MAML2: variants seen among roughly 807,000 people sequenced by gnomAD.
The protein encoded by MAML2 is mastermind-like protein 2.
In MAML2, 22 loss-of-function variants were observed where a neutral mutation model predicts 96.1. That is an observed-to-expected ratio of 0.23 (90% confidence interval 0.16 to 0.33). The LOEUF (loss-of-function observed/expected upper bound fraction) is 0.33, where lower values mean the gene tolerates loss of function less well. Ranked by LOEUF, MAML2 falls within the 10% of genes least tolerant of loss-of-function variation. MAML2 has a pLI of 1.00. For missense variants in MAML2, 1,367 were observed against 1,392.4 expected (o/e 0.98, Z 0.29); for synonymous variants, 561 against 521.3 (o/e 1.08, Z -1.04).
At chr11:96,134,979 G>A (rs1860605052) in intron 1 of MAML2, among the ~76,000 whole-genome samples, 1 of 152,226 alleles carries the variant, frequency 6.6e-6, no homozygotes, top group Admixed American at 6.5e-5. Context: ...CACATATTGA[G>A]CATTTACCCA....
At chr11:96,221,445 T>A (rs987880699) in intron 1 of MAML2, among the ~76,000 whole-genome samples, 4 of 152,158 alleles carry the variant, frequency 2.6e-5, no homozygotes, top group African/African-American at 9.7e-5. Context: ...GTATCCCCTG[T>A]CATTTTGGGA....
chr11:96,231,295 A>G lies in MAML2; in HGVS notation c.513+110088T>C, dbSNP rs565973648. 6.9e-4 allele frequency among the ~76,000 whole-genome samples: 105 copies of G among 151,806 alleles called. 1 individual carries two copies. Among genetic ancestry groups the G allele is most frequent in the South Asian group, 1.2e-3 (6 of 4,816 alleles). Reference sequence around the variant, plus strand: ...TGTCTTTTAAATGTAAAGTCTCTACAGAAAGGAAATGCGTTGTATTGATTT... The same window carrying G: ...TGTCTTTTAAATGTAAAGTCTCTACGGAAAGGAAATGCGTTGTATTGATTT... On this transcript the variant is annotated intron_variant, in intron 1 of 4. Coordinates refer to ENST00000524717, the MANE Select transcript of MAML2 (RefSeq NM_032427.4).
At chr11:96,107,080 TGC>T (rs1860035794) in intron 1 of MAML2, among the ~76,000 whole-genome samples, 1 of 149,536 alleles carries the variant, frequency 6.7e-6, no homozygotes, top group Non-Finnish European at 1.5e-5. Flanking sequence ...CTATTATTTG[TGC>T]CCCTGAAAGC....
intron 2 of MAML2, among the ~76,000 whole-genome samples, chr11:95,997,766 C>A (rs1166249783): frequency 3.3e-5 from 5 of 152,134 alleles, no homozygotes; most frequent in African/African-American, 2.4e-5. Context: ...CACTCTAAGG[C>A]CCACTGGTGA....
rs750224740 is a variant in MAML2 at position 96,341,549 on chromosome 11, G to A, written c.347C>T (p.Ser116Phe). The A allele has an allele frequency of 7.4e-5, 115 of 1,551,182 alleles. No homozygotes were observed. Among genetic ancestry groups the A allele is most frequent in the Non-Finnish European group, 9.7e-5 (111 of 1,146,954 alleles). The change falls in exon 1 of 5, where the codon TCC becomes TTC. Residue 116 changes from serine (S) to phenylalanine (F), a missense_variant. Coordinates refer to ENST00000524717, the MANE Select transcript of MAML2 (RefSeq NM_032427.4). ...TGGGGCTGCTGTTGCTGCTGCTTGG[G>A]AGGCCGCAGGAGGGGCAGCAGGGGG... The part of the protein sequence containing the change: ...PPPPAAPPAA[S>F]QAAATAAPPP...
chr11:96,172,575 C>T (rs1451623282), intron 1 of MAML2, among the ~76,000 whole-genome samples: 1 of 152,222 alleles, frequency 6.6e-6, no homozygotes, highest in African/African-American at 2.4e-5. Flanking sequence ...TCAGTGTCTG[C>T]AGCCATGCAT....
intron 1 of MAML2, among the ~76,000 whole-genome samples, chr11:96,208,308 T>G (rs1290487245): frequency 6.6e-6 from 1 of 152,198 alleles, no homozygotes; most frequent in Non-Finnish European, 1.5e-5. Context: ...CTGCTTTTTA[T>G]TATTTCAGTG....
chr11:96,008,745 T>G (rs888290395), intron 2 of MAML2, among the ~76,000 whole-genome samples: 1 of 152,198 alleles, frequency 6.6e-6, no homozygotes, highest in Non-Finnish European at 1.5e-5. Flanking sequence ...ATTTGCTTCA[T>G]GTACATGTTG....
chr11:96,288,590 A>G lies in MAML2; in HGVS notation c.513+52793T>C, dbSNP rs1863170843. Among the ~76,000 whole-genome samples, 3 of 151,814 alleles carry G rather than the reference A, an allele frequency of 2.0e-5. No individual in the cohort carries two copies. In the South Asian group the frequency reaches 6.2e-4, roughly 31 times the overall value. On this transcript the variant is annotated intron_variant, in intron 1 of 4. Coordinates refer to ENST00000524717, the MANE Select transcript of MAML2 (RefSeq NM_032427.4). Reference sequence around the variant, plus strand: ...CCAAAAACAGATAAGCACATTTTCCAAATGACCTGTAGGATGAAAATCAAA... The same window carrying G: ...CCAAAAACAGATAAGCACATTTTCCGAATGACCTGTAGGATGAAAATCAAA...
chr11:96,322,436 T>C (rs1863716389), intron 1 of MAML2, among the ~76,000 whole-genome samples: 1 of 152,204 alleles, frequency 6.6e-6, no homozygotes, highest in African/African-American at 2.4e-5. Flanking sequence ...CAGTGGCTCA[T>C]TCCTATAATC....
intron 1 of MAML2, among the ~76,000 whole-genome samples, chr11:96,202,763 G>C (rs1861844180): frequency 6.6e-6 from 1 of 152,020 alleles, no homozygotes; most frequent in Non-Finnish European, 1.5e-5. Flanking sequence ...CGAGTAGCTG[G>C]GATTACAGGC....
At chr11:96,048,855 A>G (rs1858947995) in intron 2 of MAML2, among the ~76,000 whole-genome samples, 1 of 152,252 alleles carries the variant, frequency 6.6e-6, no homozygotes, top group Admixed American at 6.5e-5. Context: ...TTTGCTTGCC[A>G]ATTGCAAATT....
intron 1 of MAML2, among the ~76,000 whole-genome samples, chr11:96,232,819 C>T (rs1296209207): frequency 6.6e-6 from 1 of 152,132 alleles, no homozygotes; most frequent in Non-Finnish European, 1.5e-5. Context: ...GATATGGAGG[C>T]CAGAATGCTG....
At chr11:96,022,651 G>A (rs1216767560) in intron 2 of MAML2, among the ~76,000 whole-genome samples, 1 of 152,178 alleles carries the variant, frequency 6.6e-6, no homozygotes, top group East Asian at 1.9e-4. Context: ...TTTGAGTGCT[G>A]GCTCTGCCAC....
chr11:96,341,662 G>T lies in MAML2; in HGVS notation c.234C>A (p.Ser78Arg), dbSNP rs1285353331. 1.9e-6 allele frequency: 3 copies of T among 1,575,280 alleles called. No individual in the cohort carries two copies. In the South Asian group the frequency reaches 3.5e-5, roughly 18 times the overall value. The change falls in exon 1 of 5, where the codon AGC (serine) becomes AGA (arginine). Residue 78 changes from serine (S) to arginine (R), a missense_variant. Physicochemically the swap from Ser to Arg is moderately radical, Grantham distance 110 (BLOSUM62 -1). Coordinates refer to ENST00000524717, the MANE Select transcript of MAML2 (RefSeq NM_032427.4). ...RERESTLQLL[S>R]LVQHGQGARK... is the part of the protein sequence containing the mutation. ...TTGCCCCCTGGCCATGCTGTACAAGGCTCAGGAGCTGCAAGGTGCTTTCTC... is the reference window on the plus strand; with the variant it reads ...TTGCCCCCTGGCCATGCTGTACAAGTCTCAGGAGCTGCAAGGTGCTTTCTC...
intron 2 of MAML2, among the ~76,000 whole-genome samples, chr11:96,061,427 T>C (rs1859157613): frequency 6.6e-6 from 1 of 152,172 alleles, no homozygotes; most frequent in Non-Finnish European, 1.5e-5. Context: ...GCAATGCAGG[T>C]TCCTTTTTCT....
intron 1 of MAML2, among the ~76,000 whole-genome samples, chr11:96,264,121 C>A (rs1452903525): frequency 6.6e-6 from 1 of 152,200 alleles, no homozygotes; most frequent in Non-Finnish European, 1.5e-5. Context: ...CATTTACCCA[C>A]AATTATCTCA....
At chr11:96,044,351 G>A (rs936977245) in intron 2 of MAML2, among the ~76,000 whole-genome samples, 3 of 152,144 alleles carry the variant, frequency 2.0e-5, no homozygotes, top group Non-Finnish European at 4.4e-5. Context: ...TGACATGTAG[G>A]GTGGTGGTAA....
chr11:95,982,734 T>C (rs588914), intron 4 of MAML2, among the ~76,000 whole-genome samples: 37,417 of 152,072 alleles, frequency 0.25, 7,264 homozygotes, highest in African/African-American at 0.54. Flanking sequence ...AACCATGTTT[T>C]AAGTACAGTA....
Sources: gnomAD v4.1 joint callset for allele counts (sites outside exome capture counted in the v4.1 genomes callset) on GRCh38, gnomAD v4.1.1 for gene constraint, MANE v1.5 for transcripts, NCBI Gene and HGNC (gene_info 2026-07-23, HGNC 2026-07-21) for gene names.